MAP4K4: variants seen among roughly 807,000 people sequenced by gnomAD.
MAP4K4 encodes HPK/GCK-like kinase HGK.
MAP4K4 carries 38 observed loss-of-function variants against 189.6 expected under a neutral mutation model. The observed-to-expected ratio is 0.20, with a 90% CI of 0.15 to 0.26. The LOEUF (loss-of-function observed/expected upper bound fraction) is 0.26, where lower values mean the gene tolerates loss of function less well. MAP4K4 is among the 10% of genes least tolerant of loss of function. The pLI, the probability that MAP4K4 is intolerant of heterozygous loss-of-function variation, is 1.00. For missense variants in MAP4K4, 1,054 were observed against 1,726.9 expected (o/e 0.61, Z 6.91); for synonymous variants, 610 against 624.3 (o/e 0.98, Z 0.34).
chr2:101,699,541 G>A (rs1369624545), intron 2 of MAP4K4, among the ~76,000 whole-genome samples: 2 of 152,168 alleles, frequency 1.3e-5, no homozygotes, highest in African/African-American at 4.8e-5. Flanking sequence ...CAAGGTTAGG[G>A]AAGCAGGGCT....
In MAP4K4 at chr2:101,887,024, CA is replaced by C. The variant is rs569902749; in HGVS notation, c.3622-44del. 181,327 of 839,236 alleles carry C rather than the reference CA, an allele frequency of 0.22. 2,028 individuals are homozygous for C. Among genetic ancestry groups the C allele is most frequent in the African/African-American group, 0.35 (15,946 of 45,404 alleles). The allele number at this position is 839,236 out of a possible 1,614,324, so 52.0% of individuals were successfully genotyped here. A position where few individuals can be genotyped will look rare whatever the true frequency, so the allele number is the denominator to read the frequency against. Reference sequence around the variant, plus strand: ...TGGGTGACAGAGCGAGACTCCGTCTCAAAAAAAAAAAAAAAAAAAATGTTCT... The same window carrying C: ...TGGGTGACAGAGCGAGACTCCGTCTCAAAAAAAAAAAAAAAAAAATGTTCT... On this transcript the variant is annotated intron_variant, in intron 29 of 32. Transcript: ENST00000324219.
At chr2:101,864,367 A>G (rs1327708517) in intron 17 of MAP4K4, among the ~76,000 whole-genome samples, 1 of 152,238 alleles carries the variant, frequency 6.6e-6, no homozygotes, top group Non-Finnish European at 1.5e-5. Context: ...TACAGAAGCT[A>G]TGCAGTTTTG....
chr2:101,804,930 C>T (rs1327750374), intron 3 of MAP4K4, among the ~76,000 whole-genome samples: 3 of 151,732 alleles, frequency 2.0e-5, no homozygotes, highest in Admixed American at 1.3e-4. Flanking sequence ...AAAAATTGGC[C>T]GAGCGTGGTG....
intron 7 of MAP4K4, 91 bp downstream of exon 7, chr2:101,831,942 G>A (rs908705630): frequency 4.3e-5 from 62 of 1,442,286 alleles, no homozygotes; most frequent in Non-Finnish European, 5.5e-5. Flanking sequence ...CCCCTTGTCT[G>A]CCTGCCTTTT....
chr2:101,866,057 AG>A (rs1468923655), intron 18 of MAP4K4, among the ~76,000 whole-genome samples: 3 of 152,226 alleles, frequency 2.0e-5, no homozygotes, highest in African/African-American at 7.2e-5. Context: ...GCAGCAGCCT[AG>A]AAACAGAATA....
intron 16 of MAP4K4, 137 bp from the exon 17 acceptor site, chr2:101,863,684 T>C: frequency 2.2e-6 from 1 of 461,756 alleles, no homozygotes; most frequent in Admixed American, 2.5e-5. Flanking sequence ...ACTGTTTCAC[T>C]GCGTGGCTGA....
At chr2:101,727,092 C>T (rs914353304) in intron 2 of MAP4K4, among the ~76,000 whole-genome samples, 2 of 152,094 alleles carry the variant, frequency 1.3e-5, no homozygotes, top group African/African-American at 2.4e-5. Context: ...CCTCATGGCC[C>T]AGTCATCTCT....
At chr2:101,698,363 G>C in intron 1 of MAP4K4, 110 bp from the exon 2 acceptor site, 1 of 1,095,006 alleles carries the variant, frequency 9.1e-7, no homozygotes. Context: ...GACCGCGCGG[G>C]GCGAAGCCCA....
At chr2:101,704,537 G>GTATATATA (rs1559012952) in intron 2 of MAP4K4, among the ~76,000 whole-genome samples, 3 of 74,262 alleles carry the variant, frequency 4.0e-5, no homozygotes, top group Admixed American at 1.7e-4. Flanking sequence ...GTGTGTGTGT[G>GTATATATA]TGTGTATATA....
chr2:101,792,909 C>T (rs1168657272), intron 3 of MAP4K4, among the ~76,000 whole-genome samples: 1 of 152,194 alleles, frequency 6.6e-6, no homozygotes, highest in Non-Finnish European at 1.5e-5. Context: ...GCTGGGATTA[C>T]AGGTGTGAGC....
intron 3 of MAP4K4, among the ~76,000 whole-genome samples, chr2:101,820,729 C>T (rs1171228279): frequency 1.3e-5 from 2 of 152,148 alleles, no homozygotes; most frequent in Non-Finnish European, 2.9e-5. Context: ...TGTCCCAGGC[C>T]ACTCACTGCT....
At chr2:101,745,727 A>ATG (rs2065156866) in intron 2 of MAP4K4, among the ~76,000 whole-genome samples, 1 of 152,128 alleles carries the variant, frequency 6.6e-6, no homozygotes, top group South Asian at 2.1e-4. Context: ...GGGTTTAAAG[A>ATG]TGTGGTTAAA....
At chr2:101,734,425 T>C (rs2059617020) in intron 2 of MAP4K4, among the ~76,000 whole-genome samples, 1 of 152,246 alleles carries the variant, frequency 6.6e-6, no homozygotes, top group Non-Finnish European at 1.5e-5. Context: ...GGTAATTTAG[T>C]ATGGATATCA....
At chr2:101,891,987 TAAAAAAAAAAAAAAAAAAAAAAAAAAA>T (rs60620198) in exon 33 of MAP4K4, 4 of 59,818 alleles carry the variant, frequency 6.7e-5, no homozygotes, top group African/African-American at 2.9e-4. Context: ...CAGATGGTTC[TAAAAAAAAAAAAAAAAAAAAAAAAAAA>T]AGGAAAAAAA....
At chr2:101,717,040 G>T (rs775441162) in intron 2 of MAP4K4, among the ~76,000 whole-genome samples, 13 of 152,164 alleles carry the variant, frequency 8.5e-5, no homozygotes, top group Non-Finnish European at 1.6e-4. Flanking sequence ...GTTACAGTAT[G>T]CCCTGTTACA....
At position 101,714,151 on chromosome 2, in the gene MAP4K4, C is replaced by A. The variant is rs147431415; in HGVS notation, c.123+15613C>A. 3.9e-4 allele frequency among the ~76,000 whole-genome samples: 60 copies of A among 152,294 alleles called. No individual in the cohort carries two copies. The East Asian group carries it at 0.01, about 25-fold the overall frequency. The stretch of plus-strand genomic sequence containing the variant: ...ATGGTGCTGCGGAATGCTAAACAAT[C>A]AAGCCTTTTCAGGTTTAGTTTAATA... On this transcript the variant is annotated intron_variant, in intron 2 of 32. Coordinates refer to ENST00000324219, the Ensembl canonical transcript of MAP4K4.
intron 3 of MAP4K4, among the ~76,000 whole-genome samples, chr2:101,813,075 G>T (rs1406222237): frequency 6.6e-6 from 1 of 152,194 alleles, no homozygotes; most frequent in Non-Finnish European, 1.5e-5. Context: ...CTTGCAGTGA[G>T]CCAAGATAGT....
At chr2:101,805,363 A>G (rs1259060663) in intron 3 of MAP4K4, among the ~76,000 whole-genome samples, 1 of 152,184 alleles carries the variant, frequency 6.6e-6, no homozygotes, top group Non-Finnish European at 1.5e-5. Flanking sequence ...ATGGAACCAT[A>G]CGGTACTCTG....
chr2:101,871,362 A>T, intron 23 of MAP4K4, 132 bp from the exon 24 acceptor site: 1 of 674,558 alleles, frequency 1.5e-6, no homozygotes, highest in Non-Finnish European at 2.4e-6. Context: ...AGTTCAGGCT[A>T]ATTTCTTTGG....
Sources: gnomAD v4.1 joint callset for allele counts (sites outside exome capture counted in the v4.1 genomes callset) on GRCh38, gnomAD v4.1.1 for gene constraint, MANE v1.5 for transcripts, NCBI Gene and HGNC (gene_info 2026-07-23, HGNC 2026-07-21) for gene names.